Variants in KPNA5 observed in about 807,000 individuals in gnomAD.
The protein encoded by KPNA5 is karyopherin subunit alpha 5.
In KPNA5, 46 loss-of-function variants were observed where a neutral mutation model predicts 71.3. The observed-to-expected ratio is 0.65, with a 90% confidence interval of 0.51 to 0.83. The LOEUF is 0.83. Among genes scored for constraint, KPNA5 ranks in the 40% least tolerant of loss-of-function variants. The pLI is 0.00. For missense variants in KPNA5, 547 were observed against 628.3 expected (o/e 0.87, Z 1.38); for synonymous variants, 207 against 201.4 (o/e 1.03, Z -0.24).
intron 13 of KPNA5, among the ~76,000 whole-genome samples, chr6:116,731,547 A>T (rs1398719439): frequency 6.6e-6 from 1 of 151,734 alleles, no homozygotes; most frequent in Non-Finnish European, 1.5e-5. Context: ...TAAGCAGTAA[A>T]ATCGATTGCT....
chr6:116,724,261 T>C lies in KPNA5; in HGVS notation c.921-36T>C, dbSNP rs376939537. 2.9e-6 allele frequency: 4 copies of C among 1,363,282 alleles called. No homozygotes were observed. In the African/African-American group the frequency reaches 5.7e-5, roughly 20 times the overall value. 84.4% of individuals were successfully genotyped at this position (1,363,282 alleles called of 1,614,324 possible). ...AACTTCTGTGTAAATTTTAAATTCT[T>C]ACTAGTATTTAGGTTCATGTTTTTA... is the stretch of plus-strand genomic sequence containing the variant. On this transcript the variant is annotated intron_variant, in intron 9 of 13. Coordinates refer to ENST00000368564, the MANE Select transcript of KPNA5 (RefSeq NM_001366306.2).
chr6:116,739,221 C>T lies in KPNA5; in HGVS notation c.*6898C>T, dbSNP rs1490857929. 6.6e-6 allele frequency: 1 copy of T among 151,552 alleles called. No individual in the cohort carries two copies. The highest frequency in any genetic ancestry group is 2.4e-5 in the African/African-American group (1 of 41,300). 9.4% of individuals were successfully genotyped at this position (151,552 alleles called of 1,614,324 possible). ...TATACACCAATAACAGACAAACAGC[C>T]AAATCATGAGTGAACTCCCATTCAC... On this transcript the variant is annotated 3_prime_UTR_variant, in exon 14 of 14. Transcript: ENST00000368564.
chr6:116,693,966 T>G (rs1324630605), intron 4 of KPNA5, among the ~76,000 whole-genome samples: 1 of 152,290 alleles, frequency 6.6e-6, no homozygotes, highest in East Asian at 1.9e-4. Flanking sequence ...GCTAGCCAGT[T>G]TTCCCAGCAC....
chr6:116,693,822 C>G lies in KPNA5; in HGVS notation c.340+1430C>G, dbSNP rs1243276611. Among the ~76,000 whole-genome samples, 7 of 151,828 alleles carry G rather than the reference C, an allele frequency of 4.6e-5. No homozygotes were observed. The East Asian group carries it at 1.2e-3, about 25-fold the overall frequency. On this transcript the variant is annotated intron_variant, in intron 4 of 13. Transcript: ENST00000368564. ...ATGAAGTCCTTGCCCATGCCTATGT[C>G]CTGAATGGTATTGCCTAGGTTTTCT... is the stretch of plus-strand genomic sequence containing the variant.
intron 8 of KPNA5, among the ~76,000 whole-genome samples, chr6:116,717,891 C>CT (rs1017683056): frequency 6.6e-6 from 1 of 152,070 alleles, no homozygotes; most frequent in African/African-American, 2.4e-5. Flanking sequence ...GTGTGCCCCC[C>CT]CCACCGCCAG....
Position 116,739,816 on chromosome 6 carries a change from C to G in KPNA5, c.*7493C>G, listed in dbSNP as rs1037528247. On this transcript the variant is annotated 3_prime_UTR_variant, in exon 14 of 14. Coordinates refer to ENST00000368564, the MANE Select transcript of KPNA5 (RefSeq NM_001366306.2). ...CATATGTAGAAAGCTGAAACTGTAT[C>G]CCTTCCTTACACCTTATACAAAAAT... is the stretch of plus-strand genomic sequence containing the variant. The G allele has an allele frequency of 2.0e-5, 3 of 151,396 alleles. No individual in the cohort carries two copies. The highest frequency in any genetic ancestry group is 1.3e-4 in the Admixed American group (2 of 15,230). 9.4% of individuals were successfully genotyped at this position (151,396 alleles called of 1,614,324 possible).
chr6:116,700,564 C>T (rs998428642), intron 5 of KPNA5, among the ~76,000 whole-genome samples: 2 of 152,118 alleles, frequency 1.3e-5, no homozygotes, highest in African/African-American at 4.8e-5. Flanking sequence ...GGTCTTGGGA[C>T]AGCTACATGT....
intron 7 of KPNA5, among the ~76,000 whole-genome samples, chr6:116,711,585 A>C (rs1458095917): frequency 6.7e-6 from 1 of 148,836 alleles, no homozygotes; most frequent in Non-Finnish European, 1.5e-5. Flanking sequence ...CTAGTTATTT[A>C]AGAGTATGTT....
rs1435242816 is a variant in KPNA5, at chr6:116,735,491, C to G, written c.*3168C>G. On this transcript the variant is annotated 3_prime_UTR_variant, in exon 14 of 14. Coordinates refer to ENST00000368564, the MANE Select transcript of KPNA5 (RefSeq NM_001366306.2). ...TTTTAGGAGCCAATATAATAGAGCT[C>G]TAAAAGGATAGTATATCTTTAAATT... 1 of 151,364 alleles carries G rather than the reference C, an allele frequency of 6.6e-6. No homozygotes were observed. Among genetic ancestry groups the G allele is most frequent in the Non-Finnish European group, 1.5e-5 (1 of 67,620 alleles). 9.4% of individuals were successfully genotyped at this position (151,364 alleles called of 1,614,324 possible).
intron 7 of KPNA5, among the ~76,000 whole-genome samples, chr6:116,713,193 G>A (rs998031154): frequency 4.9e-4 from 74 of 152,152 alleles, no homozygotes; most frequent in African/African-American, 1.7e-3. Context: ...TGGTTTTGAG[G>A]TATTGTTTAT....
At position 116,732,559 on chromosome 6, in the gene KPNA5, G is replaced by A. The variant is rs1257524356; in HGVS notation, c.*236G>A. On this transcript the variant is annotated 3_prime_UTR_variant, in exon 14 of 14. Transcript: ENST00000368564. ...TATATCTTCTATTGTTTGGATTTTT[G>A]TATCTATTTGTGAATAATTGAATAT... The A allele has an allele frequency of 9.5e-6, 2 of 210,262 alleles. No homozygotes were observed. Among genetic ancestry groups the A allele is most frequent in the African/African-American group, 4.6e-5 (2 of 43,484 alleles). The allele number at this position is 210,262 out of a possible 1,614,324, so 13.0% of individuals were successfully genotyped here.
intron 1 of KPNA5, among the ~76,000 whole-genome samples, chr6:116,687,098 T>C (rs991803883): frequency 2.6e-5 from 4 of 152,224 alleles, no homozygotes; most frequent in African/African-American, 9.6e-5. Flanking sequence ...GGAATAGTGT[T>C]GAATCTGTAA....
At chr6:116,695,777 T>G (rs1440908456) in intron 4 of KPNA5, among the ~76,000 whole-genome samples, 2 of 152,210 alleles carry the variant, frequency 1.3e-5, no homozygotes, top group African/African-American at 4.8e-5. Context: ...GATTATTTTC[T>G]GAGTCAGATT....
rs181666496 is a variant in KPNA5, at chr6:116,712,501, C to T, written c.657-3718C>T. ...AAAATGAGTCATTTGTAGACAGCATCGTAGACTTATGGGTTTTGTTTTGTT... is the reference window on the plus strand; with the variant it reads ...AAAATGAGTCATTTGTAGACAGCATTGTAGACTTATGGGTTTTGTTTTGTT... On this transcript the variant is annotated intron_variant, in intron 7 of 13. Coordinates refer to ENST00000368564, the MANE Select transcript of KPNA5 (RefSeq NM_001366306.2). Among the ~76,000 whole-genome samples, 1,100 of 152,278 alleles carry T rather than the reference C, an allele frequency of 7.2e-3. 26 individuals are homozygous for T. The South Asian group carries it at 0.088, about 12-fold the overall frequency.
chr6:116,726,444 A>G, intron 11 of KPNA5, 51 bp from the exon 12 acceptor site: 1 of 1,434,310 alleles, frequency 7.0e-7, no homozygotes, highest in Non-Finnish European at 9.3e-7. Context: ...TTTTACTGGT[A>G]ATATTTTAGA....
chr6:116,721,895 A>G (rs997270612), intron 8 of KPNA5, among the ~76,000 whole-genome samples: 4 of 152,128 alleles, frequency 2.6e-5, no homozygotes, highest in African/African-American at 9.7e-5. Flanking sequence ...GATCTCAAAT[A>G]TTTTACTATT....
At chr6:116,712,804 T>C (rs1242501723) in intron 7 of KPNA5, among the ~76,000 whole-genome samples, 1 of 152,144 alleles carries the variant, frequency 6.6e-6, no homozygotes, top group Non-Finnish European at 1.5e-5. Flanking sequence ...TTTTTTAAAA[T>C]AATTTATACT....
At chr6:116,721,722 AGATTT>A (rs1319039578) in intron 8 of KPNA5, among the ~76,000 whole-genome samples, 2 of 152,088 alleles carry the variant, frequency 1.3e-5, no homozygotes, top group Non-Finnish European at 2.9e-5. Context: ...AATGATTATT[AGATTT>A]ATTTCCAGTT....
chr6:116,684,659 G>A (rs1156731439), intron 1 of KPNA5, among the ~76,000 whole-genome samples: 1 of 152,080 alleles, frequency 6.6e-6, no homozygotes, highest in Non-Finnish European at 1.5e-5. Context: ...TGGTCCCCAA[G>A]ATTTCTCCTT....
Sources: gnomAD v4.1 joint callset for allele counts (sites outside exome capture counted in the v4.1 genomes callset) on GRCh38, gnomAD v4.1.1 for gene constraint, MANE v1.5 for transcripts, NCBI Gene and HGNC (gene_info 2026-07-23, HGNC 2026-07-21) for gene names.